Variants in SLC16A12 observed in about 807,000 individuals in gnomAD.
The protein encoded by SLC16A12 is solute carrier family 16 member 12, also known as monocarboxylate transporter 12.
A neutral mutation model predicts 42.4 loss-of-function variants in SLC16A12; 17 were observed. The observed-to-expected ratio is 0.40, with a 90% CI of 0.27 to 0.60. The LOEUF is 0.60. Ranked by LOEUF, SLC16A12 falls within the 20% of genes least tolerant of loss-of-function variation. The pLI is 0.42. For missense variants in SLC16A12, 544 were observed against 623.0 expected (o/e 0.87, Z 1.35); for synonymous variants, 224 against 229.4 (o/e 0.98, Z 0.21).
intron 2 of SLC16A12, among the ~76,000 whole-genome samples, chr10:89,551,026 T>C (rs61246394): frequency 0.012 from 1,877 of 152,272 alleles, 33 homozygotes; most frequent in African/African-American, 0.042. Flanking sequence ...GGATCCAAAG[T>C]TTTCAAGGTG....
chr10:89,554,099 A>AGAAGGAAGGAAGGGAG (rs1843791599), intron 2 of SLC16A12, among the ~76,000 whole-genome samples: 1 of 14,432 alleles, frequency 6.9e-5, no homozygotes, highest in African/African-American at 2.9e-4. Flanking sequence ...AAAGAAAGAA[A>AGAAGGAAGGAAGGGAG]GAAGGAAGGA....
intron 3 of SLC16A12, among the ~76,000 whole-genome samples, chr10:89,453,054 T>C (rs1842121835): frequency 6.6e-6 from 1 of 152,216 alleles, no homozygotes; most frequent in Non-Finnish European, 1.5e-5. Context: ...ATGCTCTATG[T>C]AATTCTCTGT....
intron 5 of SLC16A12, among the ~76,000 whole-genome samples, chr10:89,439,877 G>A (rs1470847487): frequency 6.6e-6 from 1 of 151,590 alleles, no homozygotes; most frequent in Non-Finnish European, 1.5e-5. Flanking sequence ...TTTGAGACCA[G>A]CCTGGGCAAT....
intron 2 of SLC16A12, among the ~76,000 whole-genome samples, chr10:89,495,824 T>C (rs1271251356): frequency 6.6e-6 from 1 of 152,208 alleles, no homozygotes; most frequent in Non-Finnish European, 1.5e-5. Context: ...ATGAGAAAGT[T>C]GTCTTACTAC....
chr10:89,469,117 A>C (rs1842453259), intron 2 of SLC16A12, among the ~76,000 whole-genome samples: 1 of 152,176 alleles, frequency 6.6e-6, no homozygotes, highest in Admixed American at 6.5e-5. Context: ...ACTATAAGCA[A>C]AGGAAGCATT....
chr10:89,501,320 A>G (rs1842988641), intron 2 of SLC16A12, among the ~76,000 whole-genome samples: 1 of 152,224 alleles, frequency 6.6e-6, no homozygotes, highest in Admixed American at 6.5e-5. Flanking sequence ...CTTCATATGA[A>G]ATCAAAAAAC....
chr10:89,552,649 A>C (rs1843778028), intron 2 of SLC16A12, among the ~76,000 whole-genome samples: 1 of 152,188 alleles, frequency 6.6e-6, no homozygotes, highest in Admixed American at 6.5e-5. Flanking sequence ...AATTCAACTC[A>C]ACTAAACAGT....
intron 2 of SLC16A12, among the ~76,000 whole-genome samples, chr10:89,485,814 A>C (rs1247026084): frequency 2.7e-5 from 4 of 150,296 alleles, no homozygotes; most frequent in Non-Finnish European, 5.9e-5. Flanking sequence ...TGGGGAAGTT[A>C]AAGAAATTAA....
At chr10:89,546,745 G>A (rs989521648) in intron 2 of SLC16A12, among the ~76,000 whole-genome samples, 1 of 152,104 alleles carries the variant, frequency 6.6e-6, no homozygotes, top group African/African-American at 2.4e-5. Flanking sequence ...TATGTTTATT[G>A]CAGCACTATT....
intron 2 of SLC16A12, among the ~76,000 whole-genome samples, chr10:89,487,037 G>A (rs1397792288): frequency 6.6e-6 from 1 of 152,188 alleles, no homozygotes; most frequent in Non-Finnish European, 1.5e-5. Flanking sequence ...CTTCCAATAG[G>A]CAGTGCTTCA....
intron 2 of SLC16A12, among the ~76,000 whole-genome samples, chr10:89,482,160 A>G (rs1242329243): frequency 6.6e-6 from 1 of 151,688 alleles, no homozygotes. Flanking sequence ...TCTTAAATCC[A>G]TACTCCTCAC....
chr10:89,539,857 T>TTTTCTTCC (rs1554833987), upstream of SLC16A12, among the ~76,000 whole-genome samples: 2 of 127,858 alleles, frequency 1.6e-5, no homozygotes, highest in African/African-American at 6.1e-5. Flanking sequence ...AGAAACAAAT[T>TTTTCTTCC]TTTCTTTCTT....
At chr10:89,510,161 A>G (rs900316320) in intron 2 of SLC16A12, among the ~76,000 whole-genome samples, 2 of 152,242 alleles carry the variant, frequency 1.3e-5, no homozygotes, top group Non-Finnish European at 2.9e-5. Flanking sequence ...CATACAGCCC[A>G]AAGTAATTTA....
intron 6 of SLC16A12, 30 bp from the exon 7 acceptor site, chr10:89,436,349 A>T (rs1271939143): frequency 1.2e-6 from 2 of 1,613,568 alleles, no homozygotes; most frequent in Admixed American, 3.3e-5. Context: ...GAATAAGTGC[A>T]GGAGGTACAC....
At chr10:89,468,312 G>A (rs1842438005) in intron 2 of SLC16A12, among the ~76,000 whole-genome samples, 1 of 152,050 alleles carries the variant, frequency 6.6e-6, no homozygotes, top group Non-Finnish European at 1.5e-5. Flanking sequence ...ATGAATAAGC[G>A]CACTCGATCC....
chr10:89,546,688 T>C (rs1338114668), intron 2 of SLC16A12, among the ~76,000 whole-genome samples: 2 of 152,316 alleles, frequency 1.3e-5, no homozygotes, highest in African/African-American at 2.4e-5. Context: ...ACTGGGTATA[T>C]ACCCAAAGGA....
intron 2 of SLC16A12, among the ~76,000 whole-genome samples, chr10:89,530,920 C>T (rs558803634): frequency 1.3e-5 from 2 of 152,268 alleles, no homozygotes; most frequent in South Asian, 4.1e-4. Context: ...AATCATACAA[C>T]ATGTGGTCTT....
At chr10:89,447,511 G>A (rs1842024669) in intron 3 of SLC16A12, among the ~76,000 whole-genome samples, 1 of 152,090 alleles carries the variant, frequency 6.6e-6, no homozygotes, top group Admixed American at 6.5e-5. Context: ...ATGACTACTG[G>A]GTAAATAACG....
chr10:89,486,666 A>G (rs553218016), intron 2 of SLC16A12, among the ~76,000 whole-genome samples: 1 of 113,072 alleles, frequency 8.8e-6, no homozygotes, highest in Non-Finnish European at 1.8e-5. Flanking sequence ...AAAGAAAGAA[A>G]AGAAAGAAAG....
Sources: gnomAD v4.1 joint callset for allele counts (sites outside exome capture counted in the v4.1 genomes callset) on GRCh38, gnomAD v4.1.1 for gene constraint, MANE v1.5 for transcripts, NCBI Gene and HGNC (gene_info 2026-07-23, HGNC 2026-07-21) for gene names.